The following TIPRL variants were observed in gnomAD, a reference collection of about 807,000 sequenced individuals.
TIPRL encodes the protein TOR signaling pathway regulator.
Under a neutral mutation model 32.3 loss-of-function variants are expected in TIPRL, and 10 were observed. The ratio of observed to expected loss-of-function variants is 0.31; its 90% CI spans 0.19 to 0.52. The LOEUF is 0.52. Ranked by LOEUF, TIPRL falls within the 20% of genes least tolerant of loss-of-function variation. The pLI is 0.96. For synonymous variants in TIPRL, 100 were observed against 114.0 expected, an observed-to-expected ratio of 0.88 and a Z score of 0.78; for missense variants, 250 against 328.1, an observed-to-expected ratio of 0.76 and a Z score of 1.84.
intron 1 of TIPRL, among the ~76,000 whole-genome samples, chr1:168,182,058 C>T (rs550021438): frequency 3.5e-4 from 52 of 147,426 alleles, no homozygotes; most frequent in East Asian, 1.2e-3. Context: ...AGTAAGACTC[C>T]GTCCCCCACC....
At chr1:168,189,438 C>G (rs192997489) in intron 3 of TIPRL, among the ~76,000 whole-genome samples, 3 of 152,126 alleles carry the variant, frequency 2.0e-5, no homozygotes, top group Non-Finnish European at 4.4e-5. Context: ...CTCTGCCCCG[C>G]GGGTTCAAGC....
chr1:168,189,863 G>A (rs1296886603), intron 3 of TIPRL, among the ~76,000 whole-genome samples: 2 of 152,130 alleles, frequency 1.3e-5, no homozygotes, highest in African/African-American at 2.4e-5. Context: ...ATAAGAACAA[G>A]TACGTAAATG....
intron 4 of TIPRL, among the ~76,000 whole-genome samples, chr1:168,195,572 TTTAA>T: frequency 6.6e-6 from 1 of 152,324 alleles, no homozygotes; most frequent in South Asian, 2.1e-4. Flanking sequence ...GCATATTCAT[TTTAA>T]TTAATTAATT....
chr1:168,194,870 A>G (rs766869346), intron 4 of TIPRL, among the ~76,000 whole-genome samples: 52 of 152,350 alleles, frequency 3.4e-4, no homozygotes, highest in Non-Finnish European at 5.0e-4. Context: ...TTCCACCACC[A>G]TGGAGCCTAC....
At chr1:168,179,455 TCCTC>T (rs547649598) in intron 1 of TIPRL, among the ~76,000 whole-genome samples, 28 of 152,028 alleles carry the variant, frequency 1.8e-4, no homozygotes, top group Non-Finnish European at 3.4e-4. Context: ...ACCAAACGTC[TCCTC>T]CTGCCTCAGC....
At chr1:168,184,212 GA>G in intron 2 of TIPRL, 131 bp downstream of exon 2, 1 of 876,322 alleles carries the variant, frequency 1.1e-6, no homozygotes, top group Admixed American at 3.2e-5. Flanking sequence ...TTAAACTTGA[GA>G]GTTGTATCAT....
chr1:168,184,874 T>A lies in TIPRL; in HGVS notation c.380T>A (p.Leu127Ter). Residue 127 changes from leucine (L) to a stop codon, truncating the protein, a stop_gained, in exon 3 of 7, where the codon TTA becomes TAA. Transcript: ENST00000367833. LOFTEE classifies it high-confidence loss of function. ...ACCTTACTTGGAGAATCTCTTAAGT[T>A]AAAGGTAAATCTTACTTTTTTCTTT... The part of the protein sequence containing the change: ...KGTLLGESLK[L>*]KVVPTTDHID... 1 of 1,590,960 alleles carries A rather than the reference T, an allele frequency of 6.3e-7. No homozygotes were observed. Among genetic ancestry groups the A allele is most frequent in the Non-Finnish European group, 8.6e-7 (1 of 1,160,710 alleles).
At position 168,179,109 on chromosome 1, in the gene TIPRL, G is replaced by A. The variant is rs1699927800; in HGVS notation, c.32G>A (p.Arg11Gln). 2 of 1,613,942 alleles carry A rather than the reference G, an allele frequency of 1.2e-6. No homozygotes were observed. The highest frequency in any genetic ancestry group is 8.5e-7 in the Non-Finnish European group (1 of 1,179,910). ...ATCCACGGCTTCCAGAGCAGCCACC[G>A]GGATTTCTGCTTCGGGCCCTGGAAG... is the stretch of plus-strand genomic sequence containing the variant. MMIHGFQSSHRDFCFGPWKLT... is the reference protein window; with the variant it reads MMIHGFQSSHQDFCFGPWKLT... Residue 11 changes from arginine (R) to glutamine (Q), a missense_variant, in exon 1 of 7, where the codon CGG becomes CAG. Transcript: ENST00000367833.
intron 4 of TIPRL, 98 bp from the exon 5 acceptor site, chr1:168,196,449 G>A: frequency 5.3e-6 from 4 of 750,292 alleles, no homozygotes; most frequent in East Asian, 3.1e-5. Context: ...TTATTCCAGG[G>A]TTTTTTTGTT....
intron 4 of TIPRL, chr1:168,192,304 C>G (rs1700108728): frequency 9.7e-7 from 1 of 1,026,022 alleles, no homozygotes; most frequent in Admixed American, 3.9e-5. Context: ...TGAGATCGCA[C>G]CACTGCACTC....
At chr1:168,195,340 C>T (rs1217102685) in intron 4 of TIPRL, among the ~76,000 whole-genome samples, 4 of 152,190 alleles carry the variant, frequency 2.6e-5, no homozygotes, top group Non-Finnish European at 5.9e-5. Context: ...CAAGCCTTGT[C>T]TTATCTGATG....
intron 3 of TIPRL, among the ~76,000 whole-genome samples, chr1:168,187,334 G>T (rs1478374005): frequency 2.0e-5 from 3 of 152,204 alleles, no homozygotes; most frequent in African/African-American, 7.2e-5. Flanking sequence ...GACTGACTTA[G>T]GAAAAGCCTC....
Position 168,180,600 on chromosome 1 carries a change from G to A in TIPRL, c.104+1419G>A, listed in dbSNP as rs571292602. Among the ~76,000 whole-genome samples the A allele has an allele frequency of 9.0e-4, 137 of 152,290 alleles. No individual in the cohort carries two copies. In the Middle Eastern group the frequency reaches 0.01, roughly 11 times the overall value. ...CCCTAAGTGAGTACTTGCATTTTAA[G>A]ATTTGAGCAGAGGGAGTGACCAGGG... On this transcript the variant is annotated intron_variant, in intron 1 of 6. Transcript: ENST00000367833.
At position 168,201,248 on chromosome 1, in the gene TIPRL, A is replaced by AGG; in HGVS notation, c.*1206_*1207dup. 1 of 152,262 alleles carries AGG rather than the reference A, an allele frequency of 6.6e-6. No homozygotes were observed. The highest frequency in any genetic ancestry group is 1.9e-4 in the East Asian group (1 of 5,186). The allele number at this position is 152,262 out of a possible 1,614,324, so 9.4% of individuals were successfully genotyped here. ...TTTTAAAAATATTTTTTTGAAGGGC[A>AGG]GGGGGAAAATTCACCCCTTTTCTGA... On this transcript the variant is annotated 3_prime_UTR_variant, in exon 7 of 7. Transcript: ENST00000367833.
chr1:168,187,959 G>A (rs772912349), intron 3 of TIPRL, among the ~76,000 whole-genome samples: 29 of 152,248 alleles, frequency 1.9e-4, no homozygotes, highest in Admixed American at 7.2e-4. Flanking sequence ...GTGACAGAGC[G>A]ACACCCTATC....
intron 4 of TIPRL, among the ~76,000 whole-genome samples, chr1:168,193,403 A>G (rs1004600488): frequency 1.3e-5 from 2 of 152,194 alleles, no homozygotes; most frequent in African/African-American, 4.8e-5. Flanking sequence ...AGCATTAGAT[A>G]GTTGTTTTCA....
chr1:168,201,220 GA>G lies in TIPRL; in HGVS notation c.*1175del, dbSNP rs1158021398. 2 of 151,962 alleles carry G rather than the reference GA, an allele frequency of 1.3e-5. No individual in the cohort carries two copies. The highest frequency in any genetic ancestry group is 2.9e-5 in the Non-Finnish European group (2 of 67,950). 9.4% of individuals were successfully genotyped at this position (151,962 alleles called of 1,614,324 possible). A position where few individuals can be genotyped will look rare whatever the true frequency, so the allele number is the denominator to read the frequency against. On this transcript the variant is annotated 3_prime_UTR_variant, in exon 7 of 7. Coordinates refer to ENST00000367833, the MANE Select transcript of TIPRL (RefSeq NM_152902.5). ...ATCAAATAAGAAATTATTTCAAGTG[GA>G]TTTTTAAAAATATTTTTTTGAAGGG...
intron 4 of TIPRL, among the ~76,000 whole-genome samples, chr1:168,192,935 C>G (rs900655530): frequency 3.9e-5 from 6 of 152,142 alleles, no homozygotes; most frequent in African/African-American, 1.4e-4. Flanking sequence ...TCAATTATAG[C>G]ATTTGTCATG....
chr1:168,191,858 C>CAAAAAAAAAAAAAAAAAA (rs60988834), intron 4 of TIPRL, among the ~76,000 whole-genome samples: 2 of 38,902 alleles, frequency 5.1e-5, no homozygotes, highest in Non-Finnish European at 1.1e-4. Context: ...GGCGACAGAG[C>CAAAAAAAAAAAAAAAAAA]AAAAAAAAAA....
Sources: gnomAD v4.1 joint callset for allele counts (sites outside exome capture counted in the v4.1 genomes callset) on GRCh38, gnomAD v4.1.1 for gene constraint, MANE v1.5 for transcripts, NCBI Gene and HGNC (gene_info 2026-07-23, HGNC 2026-07-21) for gene names.